The following COLEC11 variants were observed in gnomAD, a reference collection of about 807,000 sequenced individuals.
COLEC11 encodes collectin-11.
A neutral mutation model predicts 27.3 loss-of-function variants in COLEC11; 20 were observed. The observed-to-expected ratio is 0.73, with a 90% CI of 0.51 to 1.06. The LOEUF (loss-of-function observed/expected upper bound fraction) is 1.06. Among genes scored for constraint, COLEC11 ranks in the 50% least tolerant of loss-of-function variants. The pLI, the probability that COLEC11 is intolerant of heterozygous loss-of-function variation, is 0.00. For synonymous variants in COLEC11, 163 were observed against 154.7 expected (o/e 1.05, Z -0.40); for missense variants, 310 against 383.0 (o/e 0.81, Z 1.59).
intron 3 of COLEC11, among the ~76,000 whole-genome samples, chr2:3,634,263 C>G (rs1177435214): frequency 6.6e-6 from 1 of 152,156 alleles, no homozygotes; most frequent in Admixed American, 6.5e-5. Flanking sequence ...CAGGATAGGG[C>G]AGGGACTGCA....
At chr2:3,625,574 G>A (rs1236206370) in intron 3 of COLEC11, among the ~76,000 whole-genome samples, 2 of 150,232 alleles carry the variant, frequency 1.3e-5, no homozygotes, top group Non-Finnish European at 3.0e-5. Flanking sequence ...GGTCTACTCT[G>A]TGCCTCAGCT....
intron 2 of COLEC11, among the ~76,000 whole-genome samples, chr2:3,607,575 G>A (rs1662830327): frequency 6.7e-6 from 1 of 149,766 alleles, no homozygotes; most frequent in Non-Finnish European, 1.5e-5. Flanking sequence ...AGCCTCCCAA[G>A]TAGCTGGGAC....
intron 3 of COLEC11, among the ~76,000 whole-genome samples, chr2:3,613,867 A>C (rs1663436862): frequency 6.6e-6 from 1 of 152,204 alleles, no homozygotes; most frequent in Non-Finnish European, 1.5e-5. Context: ...TCATGTGTAA[A>C]GTAGCTGCAC....
intron 2 of COLEC11, among the ~76,000 whole-genome samples, chr2:3,610,422 G>A (rs568469891): frequency 6.6e-6 from 1 of 152,310 alleles, no homozygotes; most frequent in Admixed American, 6.5e-5. Context: ...GGGTGAGATG[G>A]AGCTGTGTCT....
At chr2:3,628,076 C>T (rs1463848081) in intron 3 of COLEC11, among the ~76,000 whole-genome samples, 1 of 152,272 alleles carries the variant, frequency 6.6e-6, no homozygotes, top group East Asian at 1.9e-4. Flanking sequence ...CAGATCCGCT[C>T]TCATCCTTGC....
intron 3 of COLEC11, among the ~76,000 whole-genome samples, chr2:3,618,588 GTAATA>G (rs1663955372): frequency 6.6e-6 from 1 of 152,164 alleles, no homozygotes; most frequent in Admixed American, 6.5e-5. Flanking sequence ...CCATCTATCT[GTAATA>G]TAATTTGAAA....
At chr2:3,628,615 AC>A (rs933636811) in intron 3 of COLEC11, among the ~76,000 whole-genome samples, 1 of 151,458 alleles carries the variant, frequency 6.6e-6, no homozygotes, top group Non-Finnish European at 1.5e-5. Flanking sequence ...GGAAAGTGAG[AC>A]CCCCCACCCC....
intron 3 of COLEC11, among the ~76,000 whole-genome samples, chr2:3,616,051 C>T (rs899364283): frequency 1.3e-4 from 19 of 151,044 alleles, no homozygotes; most frequent in African/African-American, 3.2e-4. Flanking sequence ...GCGGGGCGGC[C>T]GGGCAGAGAC....
rs549979701 is a variant in COLEC11, at chr2:3,627,514, TAAC to T, written c.203-10018_203-10016del. Among the ~76,000 whole-genome samples the T allele has an allele frequency of 4.0e-4, 59 of 148,552 alleles. 1 individual carries two copies. In the South Asian group the frequency reaches 0.011, roughly 27 times the overall value. Reference sequence around the variant, plus strand: ...GACGATGGGGTGGATCTGGGCATAATAACGGTAGATCGGGGCATGATGATGCTG... The same window carrying T: ...GACGATGGGGTGGATCTGGGCATAATGGTAGATCGGGGCATGATGATGCTG... On this transcript the variant is annotated intron_variant, in intron 3 of 6. Coordinates refer to ENST00000349077, the MANE Select transcript of COLEC11 (RefSeq NM_024027.5).
chr2:3,634,335 C>G (rs1665228994), intron 3 of COLEC11, among the ~76,000 whole-genome samples: 1 of 152,178 alleles, frequency 6.6e-6, no homozygotes, highest in Admixed American at 6.5e-5. Flanking sequence ...GTTTAGAGGA[C>G]TCTTGGAGAA....
chr2:3,634,822 G>T (rs2147946705), intron 3 of COLEC11, among the ~76,000 whole-genome samples: 1 of 152,044 alleles, frequency 6.6e-6, no homozygotes, highest in Middle Eastern at 3.4e-3. Flanking sequence ...GCCCCCTCTG[G>T]TGTGGGGGCC....
chr2:3,626,054 G>A (rs1173105589), intron 3 of COLEC11: 1 of 1,614,192 alleles, frequency 6.2e-7, no homozygotes, highest in East Asian at 2.2e-5. Context: ...ATCTCCAAAA[G>A]GAAGTGCACC....
intron 5 of COLEC11, chr2:3,641,294 C>A: frequency 7.7e-7 from 1 of 1,303,996 alleles, no homozygotes; most frequent in South Asian, 1.2e-5. Context: ...GTGTGCTTGC[C>A]GGTGTGACTT....
chr2:3,626,362 T>C (rs1450594470), intron 3 of COLEC11, among the ~76,000 whole-genome samples: 1 of 152,086 alleles, frequency 6.6e-6, no homozygotes, highest in Non-Finnish European at 1.5e-5. Flanking sequence ...ACCTGTCAGT[T>C]ATGTCAGCTT....
At chr2:3,626,612 T>C (rs1185061311) in intron 3 of COLEC11, among the ~76,000 whole-genome samples, 3 of 152,254 alleles carry the variant, frequency 2.0e-5, no homozygotes, top group Non-Finnish European at 4.4e-5. Context: ...CACTAGGGAA[T>C]GAGCATGACT....
chr2:3,617,882 A>T lies in COLEC11; in HGVS notation c.202+4500A>T, dbSNP rs1041648752. ...CTCTTTTGACTTTTTGATACCAGCC[A>T]TCCTAACAGGTGTGAGGTAATGTCT... is the stretch of plus-strand genomic sequence containing the variant. On this transcript the variant is annotated intron_variant, in intron 3 of 6. Transcript: ENST00000349077. 7.3e-6 allele frequency: 4 copies of T among 547,758 alleles called. No individual in the cohort carries two copies. The African/African-American group carries it at 7.6e-5, about 10-fold the overall frequency. The allele number at this position is 547,758 out of a possible 1,614,324, so 33.9% of individuals were successfully genotyped here.
intron 1 of COLEC11, among the ~76,000 whole-genome samples, chr2:3,595,547 A>G (rs2147834141): frequency 6.6e-6 from 1 of 152,294 alleles, no homozygotes; most frequent in Non-Finnish European, 1.5e-5. Flanking sequence ...ATTGTTCCTG[A>G]GCCTGAGCAG....
At chr2:3,616,940 A>G (rs1320715621) in intron 3 of COLEC11, among the ~76,000 whole-genome samples, 2 of 152,168 alleles carry the variant, frequency 1.3e-5, no homozygotes, top group East Asian at 3.9e-4. Context: ...TCCGTTATAT[A>G]TGTGCCATGT....
chr2:3,627,010 G>A (rs181418980), intron 3 of COLEC11, among the ~76,000 whole-genome samples: 4 of 152,312 alleles, frequency 2.6e-5, no homozygotes, highest in Non-Finnish European at 5.9e-5. Context: ...TCTTCTGCCC[G>A]TGGGCTTGCT....
Sources: allele counts gnomAD v4.1 joint callset (sites outside exome capture counted in the v4.1 genomes callset), GRCh38; gene constraint gnomAD v4.1.1; transcripts MANE v1.5; gene names NCBI Gene and HGNC (gene_info 2026-07-23, HGNC 2026-07-21).